RYR3: variants seen among roughly 807,000 people sequenced by gnomAD.
The protein encoded by RYR3 is brain ryanodine receptor-calcium release channel.
RYR3 carries 207 observed loss-of-function variants against 584.3 expected under a neutral mutation model. The observed-to-expected ratio is 0.35, with a 90% CI of 0.32 to 0.40. The LOEUF (loss-of-function observed/expected upper bound fraction) is 0.40, where lower values mean the gene tolerates loss of function less well. RYR3 is among the 10% of genes least tolerant of loss of function. RYR3 has a pLI of 1.00. For missense variants in RYR3, 5,616 were observed against 6,089.2 expected (o/e 0.92, Z 2.59); for synonymous variants, 2,416 against 2,248.5 (o/e 1.07, Z -2.11).
rs775722604 is a variant in RYR3, at chr15:33,690,528, A to G, written c.5861-5690A>G. On this transcript the variant is annotated intron_variant, in intron 38 of 103. Coordinates refer to ENST00000634891, the MANE Select transcript of RYR3 (RefSeq NM_001036.6). ...GAGATGCTCACATTTAATCTCGTACATACCTGCCTCCCATTCAGAAGTAAA... is the reference window on the plus strand; with the variant it reads ...GAGATGCTCACATTTAATCTCGTACGTACCTGCCTCCCATTCAGAAGTAAA... Among the ~76,000 whole-genome samples, 116 of 152,202 alleles carry G rather than the reference A, an allele frequency of 7.6e-4. 1 individual carries two copies. Among genetic ancestry groups the G allele is most frequent in the Admixed American group, 3.3e-4 (5 of 15,276 alleles).
chr15:33,588,581 T>C (rs1365937861), intron 16 of RYR3, among the ~76,000 whole-genome samples: 3 of 152,138 alleles, frequency 2.0e-5, no homozygotes, highest in Non-Finnish European at 4.4e-5. Context: ...ATTGTACTCA[T>C]TAAGCAATTT....
Position 33,661,931 on chromosome 15 carries a change from G to A in RYR3, c.4623-222G>A, listed in dbSNP as rs529679818. 1.7e-3 allele frequency among the ~76,000 whole-genome samples: 260 copies of A among 152,298 alleles called. 2 individuals are homozygous for A. The highest frequency in any genetic ancestry group is 1.9e-3 in the Non-Finnish European group (131 of 68,024). On this transcript the variant is annotated intron_variant, in intron 34 of 103. Coordinates refer to ENST00000634891, the MANE Select transcript of RYR3 (RefSeq NM_001036.6). ...GAAGACTTTCATATTTGGTAAACCA[G>A]TGTCTTGCAGGCTTTTGAGAGCCTT... is the stretch of plus-strand genomic sequence containing the variant.
chr15:33,417,160 C>T (rs573924215), intron 1 of RYR3, among the ~76,000 whole-genome samples: 5 of 152,028 alleles, frequency 3.3e-5, no homozygotes, highest in African/African-American at 9.6e-5. Flanking sequence ...TTAGGCTTGC[C>T]GTGGCTATTT....
At chr15:33,338,063 G>A (rs1971358124) in intron 1 of RYR3, among the ~76,000 whole-genome samples, 1 of 148,160 alleles carries the variant, frequency 6.7e-6, no homozygotes, top group African/African-American at 2.5e-5. Flanking sequence ...TCTTGCCTCA[G>A]CCTCCCGAGT....
intron 3 of RYR3, among the ~76,000 whole-genome samples, chr15:33,504,944 C>A (rs2052339439): frequency 6.6e-6 from 1 of 152,210 alleles, no homozygotes; most frequent in South Asian, 2.1e-4. Context: ...CCTCTGCTGA[C>A]CCCACAAGTC....
chr15:33,731,253 G>T (rs111611194), intron 47 of RYR3, among the ~76,000 whole-genome samples: 3,491 of 134,126 alleles, frequency 0.026, 136 homozygotes, highest in African/African-American at 0.081. Flanking sequence ...TGATTTTTTT[G>T]TGTGTTTTTT....
Position 33,726,403 on chromosome 15 carries a change from G to C in RYR3, c.6930G>C (p.Lys2310Asn), listed in dbSNP as rs764082655. The change falls in exon 46 of 104, where the codon AAG becomes AAC. Residue 2310 changes from lysine to asparagine, a missense_variant. Physicochemically the swap from Lys to Asn is moderately conservative, Grantham distance 94. Transcript: ENST00000634891. ...TCTTCCAGCTCATCCAGACAGGAAAGGGGGAAGCCATCCGCATCAGGTCCA... is the reference window on the plus strand; with the variant it reads ...TCTTCCAGCTCATCCAGACAGGAAACGGGGAAGCCATCCGCATCAGGTCCA... ...APEMHLIQTGKGEAIRIRSIL... is the reference protein window; with the variant it reads ...APEMHLIQTGNGEAIRIRSIL... 1.1e-5 allele frequency: 18 copies of C among 1,613,118 alleles called. No individual in the cohort carries two copies. The highest frequency in any genetic ancestry group is 2.2e-5 in the South Asian group (2 of 90,730).
At chr15:33,635,927 C>T (rs2061476145) in intron 26 of RYR3, 108 bp downstream of exon 26, 3 of 892,378 alleles carry the variant, frequency 3.4e-6, no homozygotes, top group Admixed American at 2.1e-5. Context: ...AGTGAGTGAC[C>T]ACCACCACTG....
intron 3 of RYR3, among the ~76,000 whole-genome samples, chr15:33,505,051 T>A (rs2142782085): frequency 6.6e-6 from 1 of 152,368 alleles, no homozygotes; most frequent in South Asian, 2.1e-4. Context: ...GAGAGTACAC[T>A]GTCTGTGGGT....
intron 1 of RYR3, among the ~76,000 whole-genome samples, chr15:33,342,228 C>T (rs750289390): frequency 2.6e-5 from 4 of 152,220 alleles, no homozygotes; most frequent in African/African-American, 4.8e-5. Flanking sequence ...CTTCTGGCCC[C>T]TGCCATCTGC....
At chr15:33,660,699 A>T (rs1038964777) in intron 34 of RYR3, among the ~76,000 whole-genome samples, 2 of 152,134 alleles carry the variant, frequency 1.3e-5, no homozygotes, top group Non-Finnish European at 2.9e-5. Flanking sequence ...AAACTAGTTT[A>T]CCTTGAAATA....
At chr15:33,499,594 A>C (rs1040612285) in intron 2 of RYR3, among the ~76,000 whole-genome samples, 1 of 152,200 alleles carries the variant, frequency 6.6e-6, no homozygotes, top group African/African-American at 2.4e-5. Flanking sequence ...GATATGCTTG[A>C]CATTTGTTAA....
intron 18 of RYR3, among the ~76,000 whole-genome samples, chr15:33,607,911 A>G (rs2059987787): frequency 6.6e-6 from 1 of 152,152 alleles, no homozygotes; most frequent in Non-Finnish European, 1.5e-5. Flanking sequence ...TAGCAGTCTT[A>G]TGAGGTAGAC....
chr15:33,654,633 A>G (rs1318391417), intron 32 of RYR3, among the ~76,000 whole-genome samples: 5 of 152,192 alleles, frequency 3.3e-5, no homozygotes, highest in East Asian at 1.9e-4. Flanking sequence ...ACAACATCGC[A>G]TAGGGCTCTT....
At chr15:33,664,596 T>TATATATATAC (rs2063378131) in intron 36 of RYR3, among the ~76,000 whole-genome samples, 1 of 125,344 alleles carries the variant, frequency 8.0e-6, no homozygotes, top group Non-Finnish European at 1.6e-5. Context: ...TGTGTATATA[T>TATATATATAC]ATATATATAT....
chr15:33,399,575 T>A (rs1438591363), intron 1 of RYR3, among the ~76,000 whole-genome samples: 1 of 151,788 alleles, frequency 6.6e-6, no homozygotes, highest in Non-Finnish European at 1.5e-5. Context: ...GAAGCGGAGG[T>A]AGCAGTGAGC....
At chr15:33,392,478 C>A (rs4552003) in intron 1 of RYR3, among the ~76,000 whole-genome samples, 33,347 of 151,768 alleles carry the variant, frequency 0.22, 4,679 homozygotes, top group Non-Finnish European at 0.3. Context: ...CTGTGGGCAG[C>A]TGGGACTTGA....
intron 1 of RYR3, among the ~76,000 whole-genome samples, chr15:33,321,422 T>C (rs1255708108): frequency 1.3e-5 from 2 of 152,210 alleles, no homozygotes; most frequent in Non-Finnish European, 2.9e-5. Context: ...TCAAACCTTA[T>C]TCCCATCCTT....
At chr15:33,335,441 T>A (rs1451971945) in intron 1 of RYR3, among the ~76,000 whole-genome samples, 1 of 152,128 alleles carries the variant, frequency 6.6e-6, no homozygotes, top group Admixed American at 6.6e-5. Flanking sequence ...GAAAATCAAA[T>A]ACTGCATGTT....
Sources: gnomAD v4.1 joint callset for allele counts (sites outside exome capture counted in the v4.1 genomes callset) on GRCh38, gnomAD v4.1.1 for gene constraint, MANE v1.5 for transcripts, NCBI Gene and HGNC (gene_info 2026-07-23, HGNC 2026-07-21) for gene names.